The following LETM1 variants were observed in gnomAD, a reference collection of about 807,000 sequenced individuals.
LETM1 encodes the protein leucine zipper and EF-hand containing transmembrane protein 1, also known as mitochondrial proton/calcium exchanger protein.
LETM1 carries 50 observed loss-of-function variants against 74.5 expected under a neutral mutation model. The observed-to-expected ratio is 0.67, with a 90% confidence interval of 0.53 to 0.85. The LOEUF (loss-of-function observed/expected upper bound fraction) is 0.85. Ranked by LOEUF, LETM1 falls within the 40% of genes least tolerant of loss-of-function variation. LETM1 has a pLI of 0.00. For synonymous variants in LETM1, 446 were observed against 407.1 expected (o/e 1.10, Z -1.15); for missense variants, 824 against 967.8 (o/e 0.85, Z 1.97).
chr4:1,823,233 C>T (rs936960316), intron 8 of LETM1, 102 bp from the exon 9 acceptor site: 3 of 1,389,582 alleles, frequency 2.2e-6, no homozygotes, highest in African/African-American at 1.5e-5. Context: ...CCCGTCACCA[C>T]CTGGGCTTCA....
chr4:1,822,206 G>C lies in LETM1; in HGVS notation c.1583C>G (p.Thr528Ser). The change falls in exon 10 of 14, where the codon ACT (threonine) becomes AGT (serine). Residue 528 changes from threonine to serine, a missense_variant. By Grantham distance (58) the Thr-to-Ser change is moderately conservative (BLOSUM62 1). Transcript: ENST00000302787. The part of the protein sequence containing the change: ...TVLQSETLKD[T>S]APVLEGLKEE... ...CTTCAAGCCCTCCAGCACCGGGGCA[G>C]TGTCCTTCAAGGTCTCTGACTGCAG... 1.3e-6 allele frequency: 2 copies of C among 1,490,194 alleles called. No homozygotes were observed. The highest frequency in any genetic ancestry group is 1.8e-6 in the Non-Finnish European group (2 of 1,106,738). The allele number at this position is 1,490,194 out of a possible 1,614,324, so 92.3% of individuals were successfully genotyped here.
At chr4:1,830,574 TCCTCCCACCTTGG>T in intron 6 of LETM1, among the ~76,000 whole-genome samples, 1 of 152,342 alleles carries the variant, frequency 6.6e-6, no homozygotes, top group East Asian at 1.9e-4. Context: ...GCTCAAGCAG[TCCTCCCACCTTGG>T]CCTCCCACAG....
chr4:1,828,051 C>T (rs1577315800), intron 6 of LETM1, among the ~76,000 whole-genome samples: 2 of 130,180 alleles, frequency 1.5e-5, no homozygotes, highest in African/African-American at 6.1e-5. Context: ...GGGGGCTGAC[C>T]CCCCCCACCT....
At chr4:1,819,493 C>T (rs368186219) in intron 10 of LETM1, 21 bp from the exon 11 acceptor site, 7 of 1,605,650 alleles carry the variant, frequency 4.4e-6, no homozygotes, top group Non-Finnish European at 5.1e-6. Flanking sequence ...AATGGGCAAA[C>T]AACAAAGCCT....
At chr4:1,839,783 G>C (rs1321618153) in intron 3 of LETM1, among the ~76,000 whole-genome samples, 3 of 152,218 alleles carry the variant, frequency 2.0e-5, no homozygotes, top group Admixed American at 1.3e-4. Flanking sequence ...GAATGCCCAA[G>C]AGGACTGGGT....
At chr4:1,835,125 A>G in intron 4 of LETM1, 143 bp from the exon 5 acceptor site, 2 of 784,614 alleles carry the variant, frequency 2.5e-6, no homozygotes, top group Non-Finnish European at 2.0e-6. Flanking sequence ...TACATTCTCA[A>G]ACTCTTTTAT....
intron 6 of LETM1, among the ~76,000 whole-genome samples, chr4:1,826,981 G>A (rs555454948): frequency 1.8e-4 from 28 of 152,034 alleles, no homozygotes; most frequent in Non-Finnish European, 2.6e-4. Context: ...GCCTCCACTC[G>A]CATCGTCGCC....
At position 1,834,808 on chromosome 4, in the gene LETM1, C is replaced by A; in HGVS notation, c.876+37G>T. ...GAAACAGAAAATCAGGGAAGGCTCC[C>A]TGGTGAGGTCACAGGGACTCAGACG... On this transcript the variant is annotated intron_variant, in intron 5 of 13. Transcript: ENST00000302787. The surrounding 1 kb of genome is among the most constrained non-coding windows in gnomAD (Gnocchi z 5.0). 2 of 1,610,514 alleles carry A rather than the reference C, an allele frequency of 1.2e-6. No homozygotes were observed. The highest frequency in any genetic ancestry group is 8.5e-7 in the Non-Finnish European group (1 of 1,177,422).
At chr4:1,822,057 C>T in intron 10 of LETM1, 124 bp downstream of exon 10, 1 of 1,015,332 alleles carries the variant, frequency 9.8e-7, no homozygotes, top group South Asian at 3.7e-5. Flanking sequence ...CCCCTTGCAC[C>T]ATCTCCTCTC....
chr4:1,822,262 G>T lies in LETM1; in HGVS notation c.1527C>A (p.Thr509=). 2 of 1,542,874 alleles carry T rather than the reference G, an allele frequency of 1.3e-6. No homozygotes were observed. Among genetic ancestry groups the T allele is most frequent in the Non-Finnish European group, 1.8e-6 (2 of 1,137,602 alleles). The change falls in exon 10 of 14, where the codon ACC becomes ACA. Residue 509 remains threonine (T), a synonymous_variant. Transcript: ENST00000302787. The part of the protein sequence containing the change: ...RVVAAPQRPG[T]EPQPEMPDTV... Reference sequence around the variant, plus strand: ...TGTCAGGCATTTCTGGCTGTGGCTCGGTCCCCGGCCTTTGGGGAGCAGCTA... The same window carrying T: ...TGTCAGGCATTTCTGGCTGTGGCTCTGTCCCCGGCCTTTGGGGAGCAGCTA...
In LETM1 at chr4:1,856,010, C is replaced by A; in HGVS notation, c.-60G>T. ...GCTGCCTCCTTCTCCGCGGCGGCCG[C>A]GGCTCTTCGCCGTCCCGGCGGCGCT... On this transcript the variant is annotated 5_prime_UTR_variant, in exon 1 of 14. Coordinates refer to ENST00000302787, the MANE Select transcript of LETM1 (RefSeq NM_012318.3). The A allele has an allele frequency of 9.2e-7, 1 of 1,088,730 alleles. No homozygotes were observed. 67.4% of individuals were successfully genotyped at this position (1,088,730 alleles called of 1,614,324 possible).
chr4:1,814,262 C>G lies in LETM1; in HGVS notation c.*162G>C. 8.8e-7 allele frequency: 1 copy of G among 1,136,792 alleles called. No individual in the cohort carries two copies. Among genetic ancestry groups the G allele is most frequent in the Non-Finnish European group, 1.3e-6 (1 of 791,674 alleles). 70.4% of individuals were successfully genotyped at this position (1,136,792 alleles called of 1,614,324 possible). On this transcript the variant is annotated 3_prime_UTR_variant, in exon 14 of 14. Transcript: ENST00000302787. ...CGGGATTCCAGACAGACTGAATCTC[C>G]GTGGAATGATGAAAATTAAAATTTA...
chr4:1,850,543 G>A (rs1713033125), intron 1 of LETM1, among the ~76,000 whole-genome samples: 1 of 150,082 alleles, frequency 6.7e-6, no homozygotes, highest in Non-Finnish European at 1.5e-5. Flanking sequence ...GCTCACGCCT[G>A]TAATCCCAGC....
intron 6 of LETM1, among the ~76,000 whole-genome samples, chr4:1,828,035 G>A (rs1331129329): frequency 2.1e-5 from 3 of 141,410 alleles, no homozygotes; most frequent in Non-Finnish European, 3.0e-5. Flanking sequence ...GCGGCTGGCC[G>A]GGCAGGGGGG....
intron 3 of LETM1, among the ~76,000 whole-genome samples, chr4:1,840,395 C>T (rs1173679116): frequency 3.3e-5 from 5 of 151,092 alleles, no homozygotes; most frequent in East Asian, 2.0e-4. Context: ...AGGTTGGGCG[C>T]GGTGGTTCAC....
rs1390360527 is a variant in LETM1, at chr4:1,823,014, CCTT to C, written c.1447_1449del (p.Lys483del). 1 of 1,605,520 alleles carries C rather than the reference CCTT, an allele frequency of 6.2e-7. No homozygotes were observed. The highest frequency in any genetic ancestry group is 8.5e-7 in the Non-Finnish European group (1 of 1,175,208). ...GCCACCTCCGAGCGCTTCTGCAGCT[CCTT>C]CTCACGGTGCTCCTGCTGGATGGCC... On this transcript the variant is annotated inframe_deletion, in exon 9 of 14. Coordinates refer to ENST00000302787, the MANE Select transcript of LETM1 (RefSeq NM_012318.3).
intron 3 of LETM1, among the ~76,000 whole-genome samples, chr4:1,840,625 A>G (rs1317210079): frequency 6.6e-6 from 1 of 151,888 alleles, no homozygotes; most frequent in African/African-American, 2.4e-5. Flanking sequence ...CCGAGATCGC[A>G]CCACTGCACT....
rs532715149 is a variant in LETM1 at position 1,811,840 on chromosome 4, C to T, written c.*2584G>A. On this transcript the variant is annotated 3_prime_UTR_variant, in exon 14 of 14. Transcript: ENST00000302787. ...GCGCGGTGGCTCATGCCTGTAATCC[C>T]AGCACTTTGGGAGGCTGAGGCGGGT... 1 of 152,430 alleles carries T rather than the reference C, an allele frequency of 6.6e-6. No homozygotes were observed. Among genetic ancestry groups the T allele is most frequent in the Non-Finnish European group, 1.5e-5 (1 of 68,082 alleles). The allele number at this position is 152,430 out of a possible 1,614,324, so 9.4% of individuals were successfully genotyped here. A position where few individuals can be genotyped will look rare whatever the true frequency, so the allele number is the denominator to read the frequency against.
At chr4:1,838,125 A>C (rs1189752642) in intron 3 of LETM1, among the ~76,000 whole-genome samples, 1 of 151,852 alleles carries the variant, frequency 6.6e-6, no homozygotes, top group Non-Finnish European at 1.5e-5. Context: ...TTTGAGATGG[A>C]GTCTCACTCT....
Sources: allele counts gnomAD v4.1 joint callset (sites outside exome capture counted in the v4.1 genomes callset), GRCh38; gene constraint gnomAD v4.1.1; non-coding constraint Gnocchi (gnomAD v3.1); transcripts MANE v1.5; gene names NCBI Gene and HGNC (gene_info 2026-07-23, HGNC 2026-07-21).